The following TNFAIP8 variants were observed in gnomAD, a reference collection of about 807,000 sequenced individuals.
TNFAIP8 encodes TNF alpha induced protein 8, also known as tumor necrosis factor alpha-induced protein 8.
A neutral mutation model predicts 13.3 loss-of-function variants in TNFAIP8; 7 were observed. The ratio of observed to expected loss-of-function variants is 0.52; its 90% confidence interval spans 0.30 to 0.99. The LOEUF (loss-of-function observed/expected upper bound fraction) is 0.99. Among genes scored for constraint, TNFAIP8 ranks in the 50% least tolerant of loss-of-function variants. The pLI, the probability that TNFAIP8 is intolerant of heterozygous loss-of-function variation, is 0.07. For missense variants in TNFAIP8, 258 were observed against 236.9 expected, an observed-to-expected ratio of 1.09 and a Z score of -0.58; for synonymous variants, 94 against 87.6, an observed-to-expected ratio of 1.07 and a Z score of -0.41.
chr5:119,357,187 T>G (rs988949126), intron 1 of TNFAIP8, among the ~76,000 whole-genome samples: 1 of 152,170 alleles, frequency 6.6e-6, no homozygotes, highest in Non-Finnish European at 1.5e-5. Context: ...ACGTTTACCT[T>G]ATTATGCTGT....
chr5:119,354,577 A>G (rs890434873), upstream of TNFAIP8: 6 of 152,268 alleles, frequency 3.9e-5, no homozygotes, highest in African/African-American at 1.2e-4. Flanking sequence ...TAATGGTGCA[A>G]TGGTAATAAT....
chr5:119,298,187 G>A (rs1387285451), intron 1 of TNFAIP8, among the ~76,000 whole-genome samples: 1 of 152,108 alleles, frequency 6.6e-6, no homozygotes, highest in African/African-American at 2.4e-5. Context: ...AGTTGATGCA[G>A]TTTCTTCCTA....
intron 1 of TNFAIP8, among the ~76,000 whole-genome samples, chr5:119,330,578 A>G (rs1750346582): frequency 6.6e-6 from 1 of 152,102 alleles, no homozygotes; most frequent in Non-Finnish European, 1.5e-5. Flanking sequence ...GTCCTGCTGA[A>G]TATGCTGCTT....
intron 1 of TNFAIP8, among the ~76,000 whole-genome samples, chr5:119,286,827 C>G (rs1748813643): frequency 6.6e-6 from 1 of 152,138 alleles, no homozygotes. Flanking sequence ...TTCCCACTTA[C>G]AAGACAAGTT....
intron 1 of TNFAIP8, among the ~76,000 whole-genome samples, chr5:119,380,651 A>C (rs976807530): frequency 6.6e-6 from 1 of 152,362 alleles, no homozygotes. Context: ...GATTCATTTA[A>C]TTTCAAAAGA....
At chr5:119,339,176 A>G (rs2112723846) in intron 1 of TNFAIP8, among the ~76,000 whole-genome samples, 1 of 152,306 alleles carries the variant, frequency 6.6e-6, no homozygotes. Context: ...GTCCAGAAGG[A>G]GAGAGAGAAC....
chr5:119,352,129 G>T (rs1751191266), upstream of TNFAIP8, among the ~76,000 whole-genome samples: 1 of 152,098 alleles, frequency 6.6e-6, no homozygotes, highest in Non-Finnish European at 1.5e-5. Flanking sequence ...CAAATAACCT[G>T]GGCCAGGGAG....
Position 119,270,934 on chromosome 5 carries a change from C to T in TNFAIP8, c.1+2027C>T, listed in dbSNP as rs549443529. The stretch of plus-strand genomic sequence containing the variant: ...CTTTCTTTAAGGGCAACTTTTACTC[C>T]GTGTACCTTTTGTTCCAGTGTGTTT... On this transcript the variant is annotated intron_variant, in intron 1 of 1. Coordinates refer to the TNFAIP8 transcript ENST00000274456. Among the ~76,000 whole-genome samples the T allele has an allele frequency of 3.3e-5, 5 of 152,174 alleles. No individual in the cohort carries two copies. In the South Asian group the frequency reaches 6.2e-4, roughly 19 times the overall value.
chr5:119,385,702 T>G (rs1335310393), intron 1 of TNFAIP8, among the ~76,000 whole-genome samples: 1 of 152,242 alleles, frequency 6.6e-6, no homozygotes, highest in Non-Finnish European at 1.5e-5. Context: ...CTGAACTATG[T>G]GAGGTCTCCG....
chr5:119,296,387 G>T (rs1478236122), intron 1 of TNFAIP8, among the ~76,000 whole-genome samples: 1 of 151,980 alleles, frequency 6.6e-6, no homozygotes, highest in African/African-American at 2.4e-5. Flanking sequence ...AGATAATCAT[G>T]TGGTTTTTGT....
chr5:119,381,379 CA>C (rs1267608443), intron 1 of TNFAIP8, among the ~76,000 whole-genome samples: 1 of 151,594 alleles, frequency 6.6e-6, no homozygotes, highest in Admixed American at 6.6e-5. Context: ...TGTCTCTACC[CA>C]AAAAAATACA....
At chr5:119,363,507 G>A (rs1309615852) in intron 1 of TNFAIP8, among the ~76,000 whole-genome samples, 1 of 152,190 alleles carries the variant, frequency 6.6e-6, no homozygotes, top group African/African-American at 2.4e-5. Flanking sequence ...ACCAGCATTT[G>A]GAAGAGCATT....
At chr5:119,349,843 G>C (rs957119077) in intron 1 of TNFAIP8, among the ~76,000 whole-genome samples, 1 of 152,224 alleles carries the variant, frequency 6.6e-6, no homozygotes, top group African/African-American at 2.4e-5. Context: ...ACTCTATGGG[G>C]ACCTCCCAAT....
At chr5:119,375,155 T>C (rs1752235220) in intron 1 of TNFAIP8, among the ~76,000 whole-genome samples, 1 of 152,242 alleles carries the variant, frequency 6.6e-6, no homozygotes, top group African/African-American at 2.4e-5. Context: ...GAATTGCTAT[T>C]TGCTGCTTTT....
At chr5:119,349,883 A>C (rs1220245247) in intron 1 of TNFAIP8, among the ~76,000 whole-genome samples, 3 of 152,234 alleles carry the variant, frequency 2.0e-5, no homozygotes, top group Non-Finnish European at 4.4e-5. Flanking sequence ...CTCCTCTGCA[A>C]AATAAGGGAC....
chr5:119,365,733 TATGAG>T (rs1363004695), intron 1 of TNFAIP8, among the ~76,000 whole-genome samples: 1 of 152,222 alleles, frequency 6.6e-6, no homozygotes, highest in Non-Finnish European at 1.5e-5. Flanking sequence ...CAAGGATTAA[TATGAG>T]AATTGCATCA....
At chr5:119,280,858 A>G (rs1263707866) in intron 1 of TNFAIP8, among the ~76,000 whole-genome samples, 1 of 152,164 alleles carries the variant, frequency 6.6e-6, no homozygotes, top group Non-Finnish European at 1.5e-5. Context: ...TGATTTACTC[A>G]GTTTTCAAGA....
chr5:119,288,964 A>G (rs2150809425), intron 1 of TNFAIP8, among the ~76,000 whole-genome samples: 1 of 152,332 alleles, frequency 6.6e-6, no homozygotes, highest in Middle Eastern at 3.4e-3. Context: ...TGTTGGCTTA[A>G]AGCCACATTC....
At chr5:119,305,892 C>T (rs1749535481) in intron 1 of TNFAIP8, among the ~76,000 whole-genome samples, 1 of 152,198 alleles carries the variant, frequency 6.6e-6, no homozygotes, top group South Asian at 2.1e-4. Context: ...AAATCTCCAT[C>T]CTCTGAGGGC....
Sources: allele counts gnomAD v4.1 joint callset (sites outside exome capture counted in the v4.1 genomes callset), GRCh38; gene constraint gnomAD v4.1.1; transcripts MANE v1.5; gene names NCBI Gene and HGNC (gene_info 2026-07-23, HGNC 2026-07-21).